COL4A3: variants seen among roughly 807,000 people sequenced by gnomAD.
The protein encoded by COL4A3 is collagen type IV alpha 3 chain, also known as collagen alpha-3(IV) chain.
COL4A3 carries 135 observed loss-of-function variants against 217.4 expected under a neutral mutation model. That is an observed-to-expected ratio of 0.62 (90% CI 0.54 to 0.72). COL4A3 has a LOEUF of 0.72. Ranked by LOEUF, COL4A3 falls within the 30% of genes least tolerant of loss-of-function variation. The probability of loss-of-function intolerance (pLI) is 0.00; values close to 1 mark genes in which losing one functional copy is unlikely to be tolerated. For synonymous variants in COL4A3, 690 were observed against 736.3 expected (o/e 0.94, Z 1.02); for missense variants, 1,868 against 2,119.9 (o/e 0.88, Z 2.33).
At chr2:227,309,742 C>T (rs968169394) in intron 50 of COL4A3, among the ~76,000 whole-genome samples, 3 of 152,090 alleles carry the variant, frequency 2.0e-5, no homozygotes, top group Non-Finnish European at 4.4e-5. Flanking sequence ...GCTGAGATTG[C>T]AGGTCTGTGC....
At chr2:227,302,989 G>A in intron 43 of COL4A3, 49 bp from the exon 44 acceptor site, 2 of 1,257,084 alleles carry the variant, frequency 1.6e-6, no homozygotes, top group South Asian at 1.2e-5. Context: ...TGTGAATTGA[G>A]TGATTTTAAA....
rs1212300043 is a variant in COL4A3, at chr2:227,269,889, T to A, written c.1505-21T>A. 6 of 1,611,422 alleles carry A rather than the reference T, an allele frequency of 3.7e-6. No individual in the cohort carries two copies. In the Admixed American group the frequency reaches 1.0e-4, roughly 27 times the overall value. On this transcript the variant is annotated intron_variant, in intron 23 of 51. Coordinates refer to ENST00000396578, the MANE Select transcript of COL4A3 (RefSeq NM_000091.5). ...AGTTGGCGTTCAATGAGGAGTTAGT[T>A]AATAATTCGTTGATTTGCAGGAAGA...
rs2066231730 is a variant in COL4A3, at chr2:227,191,322, T to C, written c.87+26509T>C. On this transcript the variant is annotated intron_variant, in intron 1 of 51. Coordinates refer to ENST00000396578, the MANE Select transcript of COL4A3 (RefSeq NM_000091.5). The surrounding 1 kb of genome is among the most constrained non-coding windows in gnomAD (Gnocchi z 6.8). ...AAAGGACGCAAAAGTTTAAGACTGT[T>C]GGCATATACAAAAGACCTATTTTCT... Among the ~76,000 whole-genome samples the C allele has an allele frequency of 6.6e-6, 1 of 152,162 alleles. No homozygotes were observed. The highest frequency in any genetic ancestry group is 6.5e-5 in the Admixed American group (1 of 15,274).
At chr2:227,268,936 C>G (rs2071080119) in intron 23 of COL4A3, among the ~76,000 whole-genome samples, 1 of 152,274 alleles carries the variant, frequency 6.6e-6, no homozygotes, top group South Asian at 2.1e-4. Context: ...TGCATTGTTG[C>G]ATTTTCCATA....
At chr2:227,203,898 A>G (rs1316621619) in intron 1 of COL4A3, among the ~76,000 whole-genome samples, 1 of 151,940 alleles carries the variant, frequency 6.6e-6, no homozygotes, top group Admixed American at 6.6e-5. Context: ...CTAAAATATA[A>G]GCCTCTTAAG....
At chr2:227,211,495 G>A (rs72975989) in intron 1 of COL4A3, among the ~76,000 whole-genome samples, 16,610 of 152,088 alleles carry the variant, frequency 0.11, 1,080 homozygotes, top group East Asian at 0.23. Flanking sequence ...AATACACCAG[G>A]GTGGAATTGC....
Position 227,305,092 on chromosome 2 carries a change from C to T in COL4A3, c.4252+9C>T. ...TTCTAAAGGAGAGCCAGGTAAACCC[C>T]CAGCTTGTTTCCTCACCGAAGAAGT... On this transcript the variant is annotated intron_variant, in intron 47 of 51. Transcript: ENST00000396578. The T allele has an allele frequency of 6.2e-7, 1 of 1,611,952 alleles. No homozygotes were observed. Among genetic ancestry groups the T allele is most frequent in the Non-Finnish European group, 8.5e-7 (1 of 1,178,686 alleles).
intron 27 of COL4A3, 60 bp downstream of exon 27, chr2:227,276,537 C>T: frequency 7.8e-7 from 1 of 1,276,528 alleles, no homozygotes; most frequent in South Asian, 1.2e-5. Context: ...CCCTGACTCT[C>T]TTGGAAAAAT....
intron 34 of COL4A3, among the ~76,000 whole-genome samples, chr2:227,285,277 TAAAAAAAAA>T (rs764697409): frequency 1.4e-5 from 1 of 72,374 alleles, no homozygotes; most frequent in Non-Finnish European, 2.4e-5. Flanking sequence ...CTGCCAAACC[TAAAAAAAAA>T]AAAAAAAAAA....
Position 227,290,000 on chromosome 2 carries a change from C to A in COL4A3, c.2982C>A (p.Gly994=). 2 of 1,613,812 alleles carry A rather than the reference C, an allele frequency of 1.2e-6. No individual in the cohort carries two copies. The highest frequency in any genetic ancestry group is 1.7e-6 in the Non-Finnish European group (2 of 1,179,758). The change falls in exon 36 of 52, where the codon GGC becomes GGA. Residue 994 remains glycine, a splice_region_variant and synonymous_variant. Transcript: ENST00000396578. ...AATAACTACTTATTTGTTCTCAAGG[C>A]CCCAGAGGAGATTTGGGCAGCACTG... ...KGLPGPAGPP[G]PRGDLGSTGN... is the part of the protein sequence containing the mutation.
chr2:227,246,119 T>G, intron 6 of COL4A3, 103 bp downstream of exon 6: 1 of 907,548 alleles, frequency 1.1e-6, no homozygotes. Context: ...TTGAAAACAT[T>G]CCTTTAGGCC....
At chr2:227,255,741 T>A (rs533956616) in intron 15 of COL4A3, among the ~76,000 whole-genome samples, 2 of 152,164 alleles carry the variant, frequency 1.3e-5, no homozygotes, top group Admixed American at 6.5e-5. Flanking sequence ...AAGTTTAGAA[T>A]GAACAGCATC....
intron 1 of COL4A3, among the ~76,000 whole-genome samples, chr2:227,225,738 A>T (rs1355425224): frequency 2.2e-5 from 3 of 136,888 alleles, no homozygotes; most frequent in Admixed American, 8.0e-5. Flanking sequence ...GTTGAGACAG[A>T]TCTCACCCTG....
intron 42 of COL4A3, among the ~76,000 whole-genome samples, chr2:227,298,151 T>TA (rs2073114742): frequency 6.6e-6 from 1 of 152,038 alleles, no homozygotes; most frequent in African/African-American, 2.4e-5. Context: ...AGTTCAAGAC[T>TA]AGCCTGGCCA....
intron 1 of COL4A3, chr2:227,228,520 C>A (rs2068221783): frequency 6.6e-6 from 1 of 152,430 alleles, no homozygotes; most frequent in African/African-American, 2.4e-5. Flanking sequence ...ACGGTGCCAA[C>A]TCCCCCTGCT....
intron 3 of COL4A3, among the ~76,000 whole-genome samples, chr2:227,242,360 G>A (rs989604561): frequency 6.6e-6 from 1 of 152,272 alleles, no homozygotes; most frequent in South Asian, 2.1e-4. Context: ...AGCTTCTGTC[G>A]CCATGGAGTT....
At chr2:227,216,663 A>C (rs1034625021) in intron 1 of COL4A3, among the ~76,000 whole-genome samples, 10 of 152,210 alleles carry the variant, frequency 6.6e-5, no homozygotes, top group African/African-American at 2.4e-4. Flanking sequence ...CTGCAATTAA[A>C]TGATATAAAT....
At chr2:227,206,395 A>G (rs1288406867) in intron 1 of COL4A3, among the ~76,000 whole-genome samples, 1 of 152,084 alleles carries the variant, frequency 6.6e-6, no homozygotes. Context: ...TCTAATGTGC[A>G]AGGAGGTTCT....
intron 15 of COL4A3, 144 bp downstream of exon 15, chr2:227,254,859 A>C: frequency 1.4e-6 from 1 of 708,406 alleles, no homozygotes; most frequent in Non-Finnish European, 2.6e-6. Context: ...GGATTTACTT[A>C]CTCAAGTATC....
Sources: allele counts gnomAD v4.1 joint callset (sites outside exome capture counted in the v4.1 genomes callset), GRCh38; gene constraint gnomAD v4.1.1; non-coding constraint Gnocchi (gnomAD v3.1); transcripts MANE v1.5; gene names NCBI Gene and HGNC (gene_info 2026-07-23, HGNC 2026-07-21).